Variants in MYOCD observed in about 807,000 individuals in gnomAD.
MYOCD encodes the protein myocardin.
MYOCD carries 32 observed loss-of-function variants against 96.1 expected under a neutral mutation model. That is an observed-to-expected ratio of 0.33 (90% CI 0.25 to 0.45). MYOCD has a LOEUF of 0.45. Ranked by LOEUF, MYOCD falls within the 20% of genes least tolerant of loss-of-function variation. MYOCD has a pLI of 1.00. For synonymous variants in MYOCD, 469 were observed against 469.0 expected (o/e 1.00, Z 0.00); for missense variants, 1,133 against 1,200.6 (o/e 0.94, Z 0.83).
chr17:12,738,108 C>T (rs2032397238), intron 6 of MYOCD, among the ~76,000 whole-genome samples: 1 of 152,208 alleles, frequency 6.6e-6, no homozygotes, highest in Admixed American at 6.5e-5. Context: ...TTTTCTGCTT[C>T]ACCTTAGGAG....
intron 5 of MYOCD, among the ~76,000 whole-genome samples, chr17:12,726,447 G>A (rs2150693778): frequency 6.6e-6 from 1 of 152,196 alleles, no homozygotes; most frequent in South Asian, 2.1e-4. Context: ...TCCAGCAAAG[G>A]GGGAAGAAAA....
chr17:12,688,682 C>T (rs1032741047), intron 1 of MYOCD, among the ~76,000 whole-genome samples: 30 of 122,310 alleles, frequency 2.5e-4, no homozygotes, highest in Admixed American at 2.1e-3. Context: ...TTCCTTTCTT[C>T]CTTCCTTCCT....
Position 12,666,231 on chromosome 17 carries a change from A to G in MYOCD, c.43A>G (p.Lys15Glu). 1 of 1,612,984 alleles carries G rather than the reference A, an allele frequency of 6.2e-7. No homozygotes were observed. Among genetic ancestry groups the G allele is most frequent in the Non-Finnish European group, 8.5e-7 (1 of 1,178,962 alleles). Residue 15 changes from lysine to glutamate, a missense_variant, in exon 1 of 14, where the codon AAG becomes GAG. By Grantham distance (56) the Lys-to-Glu change is moderately conservative (BLOSUM62 1). Coordinates refer to ENST00000425538, the MANE Select transcript of MYOCD (RefSeq NM_001146312.3). ...GSEHSLLIRS[K>E]FRSVLQLRLQ... Reference sequence around the variant, plus strand: ...TGAGCATTCCTTGCTGATTAGGAGCAAGTTCAGATCAGGTAGGGCTAAGGC... The same window carrying G: ...TGAGCATTCCTTGCTGATTAGGAGCGAGTTCAGATCAGGTAGGGCTAAGGC...
At chr17:12,683,585 A>G (rs1469144142) in intron 1 of MYOCD, among the ~76,000 whole-genome samples, 2 of 152,124 alleles carry the variant, frequency 1.3e-5, no homozygotes, top group Non-Finnish European at 2.9e-5. Flanking sequence ...ATACACATAC[A>G]CATACAAGCT....
intron 1 of MYOCD, among the ~76,000 whole-genome samples, chr17:12,694,447 C>T (rs555920971): frequency 4.6e-5 from 7 of 152,160 alleles, no homozygotes; most frequent in Non-Finnish European, 8.8e-5. Context: ...CAAAGCTCAG[C>T]CGAACCTGGA....
At chr17:12,754,707 T>C (rs1405170570) in intron 10 of MYOCD, among the ~76,000 whole-genome samples, 1 of 152,234 alleles carries the variant, frequency 6.6e-6, no homozygotes. Context: ...AAAGCCTATG[T>C]AAGTCAAGTT....
intron 6 of MYOCD, 78 bp from the exon 7 acceptor site, chr17:12,739,125 T>C: frequency 2.7e-6 from 4 of 1,488,898 alleles, no homozygotes; most frequent in Non-Finnish European, 3.6e-6. Flanking sequence ...AGCAGAGGTA[T>C]ATATACGGAC....
At chr17:12,673,180 A>G (rs1909807217) in intron 1 of MYOCD, among the ~76,000 whole-genome samples, 1 of 152,118 alleles carries the variant, frequency 6.6e-6, no homozygotes, top group South Asian at 2.1e-4. Flanking sequence ...AGTCCTAGGT[A>G]AAGTTCCACA....
chr17:12,706,385 G>C (rs868483667), intron 2 of MYOCD, among the ~76,000 whole-genome samples: 83 of 152,344 alleles, frequency 5.4e-4, no homozygotes, highest in African/African-American at 1.9e-3. Flanking sequence ...AGGTGCTAAA[G>C]ACAGGAAGAA....
intron 13 of MYOCD, chr17:12,762,402 T>C (rs2033201551): frequency 6.6e-6 from 1 of 152,354 alleles, no homozygotes; most frequent in Admixed American, 6.5e-5. Flanking sequence ...ATAGAAAATA[T>C]AGCTTGAAAG....
intron 1 of MYOCD, among the ~76,000 whole-genome samples, chr17:12,696,048 TTTG>T (rs368329219): frequency 3.4e-4 from 52 of 151,826 alleles, no homozygotes; most frequent in Non-Finnish European, 5.0e-4. Context: ...ATAATATTCC[TTTG>T]TTGTTGTTGT....
chr17:12,676,245 GCACACACACACACACA>G (rs36211306), intron 1 of MYOCD, among the ~76,000 whole-genome samples: 78 of 145,676 alleles, frequency 5.4e-4, no homozygotes, highest in African/African-American at 1.4e-3. Context: ...GCGCGCGCAC[GCACACACACACACACA>G]CACACACACA....
intron 1 of MYOCD, among the ~76,000 whole-genome samples, chr17:12,666,593 G>T (rs1909388786): frequency 6.6e-6 from 1 of 152,172 alleles, no homozygotes; most frequent in African/African-American, 2.4e-5. Context: ...GCGTAGTATC[G>T]GTTATAATCG....
chr17:12,669,221 C>T (rs530960405), intron 1 of MYOCD, among the ~76,000 whole-genome samples: 1 of 152,324 alleles, frequency 6.6e-6, no homozygotes, highest in African/African-American at 2.4e-5. Context: ...CTACAAAACA[C>T]ACAGGGAGGT....
Position 12,763,398 on chromosome 17 carries a change from G to T in MYOCD, c.2715G>T (p.Leu905Phe), listed in dbSNP as rs2033243883. Residue 905 changes from leucine to phenylalanine, a missense_variant, in exon 14 of 14, where the codon TTG becomes TTT. Physicochemically the swap from Leu to Phe is conservative, Grantham distance 22. Coordinates refer to ENST00000425538, the MANE Select transcript of MYOCD (RefSeq NM_001146312.3). ...AEDLFNAHEI[L>F]PGPLSPMQTQ... The stretch of plus-strand genomic sequence containing the variant: ...ACCTCTTCAATGCACATGAGATCTT[G>T]CCAGGCCCCCTCTCTCCAATGCAGA... 6.2e-7 allele frequency: 1 copy of T among 1,604,736 alleles called. No individual in the cohort carries two copies. The highest frequency in any genetic ancestry group is 8.5e-7 in the Non-Finnish European group (1 of 1,174,520).
rs57335981 is a variant in MYOCD, at chr17:12,747,867, TAA to T, written c.1125+1808_1125+1809del. Among the ~76,000 whole-genome samples the T allele has an allele frequency of 7.1e-3, 1,034 of 145,596 alleles. 9 individuals carry two copies. The highest frequency in any genetic ancestry group is 0.023 in the African/African-American group (913 of 39,982). ...TGTGGATAATTTTTTGGATCCTATTTAAAAAAAAAAAAAACTGGCTGGGCGTG... is the reference window on the plus strand; with the variant it reads ...TGTGGATAATTTTTTGGATCCTATTTAAAAAAAAAAAACTGGCTGGGCGTG... On this transcript the variant is annotated intron_variant, in intron 9 of 13. Coordinates refer to ENST00000425538, the MANE Select transcript of MYOCD (RefSeq NM_001146312.3).
chr17:12,754,111 A>G (rs1188245729), intron 10 of MYOCD, among the ~76,000 whole-genome samples: 1 of 143,686 alleles, frequency 7.0e-6, no homozygotes, highest in African/African-American at 2.5e-5. Context: ...GGAAGTTTGC[A>G]ACTGTTTTTT....
intron 1 of MYOCD, among the ~76,000 whole-genome samples, chr17:12,688,539 T>C (rs1010596897): frequency 3.9e-5 from 4 of 103,098 alleles, no homozygotes; most frequent in South Asian, 6.7e-4. Flanking sequence ...CTTCCTTCCT[T>C]CCTTCCATCT....
At chr17:12,714,845 T>G (rs2031589041) in intron 2 of MYOCD, among the ~76,000 whole-genome samples, 1 of 152,018 alleles carries the variant, frequency 6.6e-6, no homozygotes, top group Non-Finnish European at 1.5e-5. Flanking sequence ...TTGAAAGAGG[T>G]TAGAGTTGTC....
Sources: allele counts gnomAD v4.1 joint callset (sites outside exome capture counted in the v4.1 genomes callset), GRCh38; gene constraint gnomAD v4.1.1; transcripts MANE v1.5; gene names NCBI Gene and HGNC (gene_info 2026-07-23, HGNC 2026-07-21).